PTPRM: variants seen among roughly 807,000 people sequenced by gnomAD.
The protein encoded by PTPRM is protein tyrosine phosphatase receptor type M.
PTPRM carries 47 observed loss-of-function variants against 186.7 expected under a neutral mutation model. That is an observed-to-expected ratio of 0.25 (90% CI 0.20 to 0.32). The LOEUF (loss-of-function observed/expected upper bound fraction) is 0.32, where lower values mean the gene tolerates loss of function less well. Ranked by LOEUF, PTPRM falls within the 10% of genes least tolerant of loss-of-function variation. The pLI is 1.00. For missense variants in PTPRM, 1,494 were observed against 1,865.0 expected (o/e 0.80, Z 3.66); for synonymous variants, 668 against 674.9 (o/e 0.99, Z 0.16).
At chr18:7,576,341 C>T (rs542566545) in intron 1 of PTPRM, among the ~76,000 whole-genome samples, 3 of 152,164 alleles carry the variant, frequency 2.0e-5, no homozygotes. Context: ...GTGGGTTACT[C>T]TGGGAGTCTG....
At chr18:8,282,400 C>G (rs1381479637) in intron 19 of PTPRM, among the ~76,000 whole-genome samples, 2 of 152,210 alleles carry the variant, frequency 1.3e-5, no homozygotes, top group Non-Finnish European at 2.9e-5. Flanking sequence ...TAGTGGCTTA[C>G]ACCTGTAATT....
At chr18:8,017,863 G>A (rs2084974415) in intron 7 of PTPRM, 1 of 152,156 alleles carries the variant, frequency 6.6e-6, no homozygotes. Flanking sequence ...GACGTAAATA[G>A]GGAACTGTGC....
At chr18:8,232,988 C>A (rs2094305345) in intron 14 of PTPRM, among the ~76,000 whole-genome samples, 1 of 152,176 alleles carries the variant, frequency 6.6e-6, no homozygotes, top group Non-Finnish European at 1.5e-5. Flanking sequence ...ATTCCTGGAA[C>A]AATGGGTACT....
At chr18:8,209,957 C>G (rs1054452602) in intron 14 of PTPRM, among the ~76,000 whole-genome samples, 2 of 134,112 alleles carry the variant, frequency 1.5e-5, no homozygotes, top group African/African-American at 5.6e-5. Context: ...CCTGCACTTT[C>G]TGCACATGTA....
At chr18:8,201,887 A>T (rs565910939) in intron 14 of PTPRM, among the ~76,000 whole-genome samples, 1 of 152,202 alleles carries the variant, frequency 6.6e-6, no homozygotes, top group Non-Finnish European at 1.5e-5. Context: ...TCATTTCAAC[A>T]TCATTGGAGA....
chr18:8,110,765 G>T (rs768138187), intron 11 of PTPRM, among the ~76,000 whole-genome samples: 1 of 152,300 alleles, frequency 6.6e-6, no homozygotes. Flanking sequence ...ATTGAGGAAT[G>T]ATTCAGATAC....
At chr18:8,120,182 G>A (rs1002821288) in intron 13 of PTPRM, among the ~76,000 whole-genome samples, 2 of 152,130 alleles carry the variant, frequency 1.3e-5, no homozygotes, top group East Asian at 1.9e-4. Flanking sequence ...GCAAAAGCAG[G>A]TGGTAGGCCT....
At chr18:8,271,042 A>C (rs2147624274) in intron 19 of PTPRM, among the ~76,000 whole-genome samples, 1 of 152,302 alleles carries the variant, frequency 6.6e-6, no homozygotes, top group Admixed American at 6.5e-5. Flanking sequence ...TTAGGTTATA[A>C]GATGTGTTAA....
At chr18:7,937,184 T>A (rs2051867727) in intron 5 of PTPRM, among the ~76,000 whole-genome samples, 2 of 152,156 alleles carry the variant, frequency 1.3e-5, no homozygotes, top group African/African-American at 2.4e-5. Flanking sequence ...CAAGCAGGGC[T>A]GAAACATGCT....
chr18:8,385,383 AAAG>A (rs2095765493), intron 30 of PTPRM, among the ~76,000 whole-genome samples: 1 of 152,254 alleles, frequency 6.6e-6, no homozygotes, highest in Non-Finnish European at 1.5e-5. Flanking sequence ...TTCTACAGGA[AAAG>A]AAGTACTGGG....
At chr18:7,631,958 A>C (rs1309391907) in intron 1 of PTPRM, among the ~76,000 whole-genome samples, 1 of 152,120 alleles carries the variant, frequency 6.6e-6, no homozygotes, top group African/African-American at 2.4e-5. Context: ...TACTCATTCA[A>C]GTTAAAATCA....
At position 8,395,608 on chromosome 18, in the gene PTPRM, A is replaced by G. The variant is rs190530588; in HGVS notation, c.4344+997A>G. ...TGTCTCGTGCCTGATGAGCTGCTCC[A>G]TTTCCAAGAAGCATGGCTGTTGGTC... On this transcript the variant is annotated intron_variant, in intron 32 of 32. Coordinates refer to ENST00000580170, the MANE Select transcript of PTPRM (RefSeq NM_001105244.2). Among the ~76,000 whole-genome samples the G allele has an allele frequency of 2.8e-3, 419 of 152,132 alleles. 2 individuals are homozygous for G. The highest frequency in any genetic ancestry group is 9.7e-3 in the African/African-American group (404 of 41,470).
At chr18:7,899,713 G>T (rs935019556) in intron 3 of PTPRM, among the ~76,000 whole-genome samples, 1 of 152,156 alleles carries the variant, frequency 6.6e-6, no homozygotes, top group Admixed American at 6.5e-5. Context: ...TAATATTAAA[G>T]TGTTACTAAT....
intron 17 of PTPRM, 100 bp from the exon 18 acceptor site, chr18:8,252,388 T>G (rs1180909286): frequency 2.0e-6 from 2 of 1,020,650 alleles, no homozygotes; most frequent in African/African-American, 3.2e-5. Flanking sequence ...AGTTAAAGCA[T>G]AAAATAAAAA....
chr18:8,094,554 G>A (rs1261114555), intron 11 of PTPRM, among the ~76,000 whole-genome samples: 1 of 151,854 alleles, frequency 6.6e-6, no homozygotes, highest in Non-Finnish European at 1.5e-5. Flanking sequence ...GCAACAAATT[G>A]AGACCCTATC....
At chr18:8,384,059 G>A (rs1429105400) in intron 29 of PTPRM, among the ~76,000 whole-genome samples, 2 of 152,220 alleles carry the variant, frequency 1.3e-5, no homozygotes, top group South Asian at 2.1e-4. Context: ...GAAAAGGACA[G>A]GTGGAGTTGA....
intron 14 of PTPRM, among the ~76,000 whole-genome samples, chr18:8,240,958 G>A (rs2094428976): frequency 6.6e-6 from 1 of 152,248 alleles, no homozygotes; most frequent in South Asian, 2.1e-4. Flanking sequence ...ACAGCTTTGT[G>A]TAAAGCATTG....
intron 1 of PTPRM, among the ~76,000 whole-genome samples, chr18:7,728,352 C>G (rs1050922656): frequency 6.6e-6 from 1 of 152,160 alleles, no homozygotes. Flanking sequence ...TTATTAACCT[C>G]TAAAGGAAAG....
chr18:8,147,549 G>C (rs576762407), intron 14 of PTPRM, among the ~76,000 whole-genome samples: 2 of 152,350 alleles, frequency 1.3e-5, no homozygotes, highest in African/African-American at 4.8e-5. Context: ...GTTAGGGGCT[G>C]AGACGATGGG....
Sources: gnomAD v4.1 joint callset for allele counts (sites outside exome capture counted in the v4.1 genomes callset) on GRCh38, gnomAD v4.1.1 for gene constraint, MANE v1.5 for transcripts, NCBI Gene and HGNC (gene_info 2026-07-23, HGNC 2026-07-21) for gene names.